EML1: variants seen among roughly 807,000 people sequenced by gnomAD.
EML1 encodes the protein echinoderm microtubule-associated protein-like 1.
A neutral mutation model predicts 110.4 loss-of-function variants in EML1; 27 were observed. That is an observed-to-expected ratio of 0.24 (90% CI 0.18 to 0.34). The LOEUF (loss-of-function observed/expected upper bound fraction) is 0.34. EML1 is among the 10% of genes least tolerant of loss of function. The pLI is 1.00. For missense variants in EML1, 741 were observed against 1,030.9 expected, an observed-to-expected ratio of 0.72 and a Z score of 3.85; for synonymous variants, 344 against 385.8, an observed-to-expected ratio of 0.89 and a Z score of 1.27.
In EML1 at chr14:99,914,633, A is replaced by G. The variant is rs547746983; in HGVS notation, c.1688A>G (p.His563Arg). Residue 563 changes from histidine (H) to arginine (R), a missense_variant, in exon 15 of 22, where the codon CAT becomes CGT. Around this residue, in one of 4 missense-constraint regions of EML1, gnomAD observed 388 missense variants for 605.6 expected, o/e 0.64. Transcript: ENST00000262233. ...AAATCTCAGTTCTTGACCTGTGGGC[A>G]TGACAAGCATGCCACTCTCTGGGAC... Reference protein sequence around the residue: ...ASKSQFLTCGHDKHATLWDAV... With the variant: ...ASKSQFLTCGRDKHATLWDAV... 1.2e-6 allele frequency: 2 copies of G among 1,612,978 alleles called. No homozygotes were observed. The highest frequency in any genetic ancestry group is 1.3e-5 in the African/African-American group (1 of 74,960).
upstream of EML1, among the ~76,000 whole-genome samples, chr14:99,768,864 C>G (rs1168973706): frequency 6.6e-6 from 1 of 152,006 alleles, no homozygotes; most frequent in Non-Finnish European, 1.5e-5. Flanking sequence ...ATTACAGGCA[C>G]CCGCCACCAT....
chr14:99,753,189 A>AC (rs2057197314), intron 1 of EML1, among the ~76,000 whole-genome samples: 2 of 18,714 alleles, frequency 1.1e-4, no homozygotes, highest in African/African-American at 2.0e-4. Flanking sequence ...CCCTACCCGC[A>AC]CCCCCCGCCC....
intron 1 of EML1, among the ~76,000 whole-genome samples, chr14:99,807,919 C>T (rs1179378061): frequency 6.6e-6 from 1 of 152,186 alleles, no homozygotes; most frequent in Non-Finnish European, 1.5e-5. Flanking sequence ...TCTTACCACA[C>T]CCCTCTGCTT....
upstream of EML1, among the ~76,000 whole-genome samples, chr14:99,772,662 T>C (rs1480761151): frequency 6.6e-6 from 1 of 152,260 alleles, no homozygotes; most frequent in East Asian, 1.9e-4. Flanking sequence ...TTAGGACTTT[T>C]ATTGCTTCAT....
chr14:99,749,058 C>A (rs2057145539), intron 1 of EML1, among the ~76,000 whole-genome samples: 1 of 152,202 alleles, frequency 6.6e-6, no homozygotes, highest in South Asian at 2.1e-4. Context: ...GTCTGTTCAC[C>A]AGTGGACGGG....
intron 2 of EML1, among the ~76,000 whole-genome samples, chr14:99,862,079 T>G (rs1405291116): frequency 6.6e-6 from 1 of 152,234 alleles, no homozygotes; most frequent in Non-Finnish European, 1.5e-5. Context: ...TCCTCCAGGC[T>G]GACAGTCTTC....
intron 4 of EML1, among the ~76,000 whole-genome samples, chr14:99,885,500 C>T (rs2139963438): frequency 6.6e-6 from 1 of 152,332 alleles, no homozygotes; most frequent in East Asian, 1.9e-4. Flanking sequence ...CCCATGACTG[C>T]ATTTCATTTG....
chr14:99,760,558 T>G (rs1161615215), intron 1 of EML1, among the ~76,000 whole-genome samples: 3 of 152,162 alleles, frequency 2.0e-5, no homozygotes, highest in Non-Finnish European at 4.4e-5. Context: ...AATTTAATTC[T>G]TATGTCACAT....
intron 1 of EML1, among the ~76,000 whole-genome samples, chr14:99,820,694 G>T (rs1027746733): frequency 6.6e-6 from 1 of 152,128 alleles, no homozygotes; most frequent in African/African-American, 2.4e-5. Context: ...GGATCCAGGG[G>T]CAGGTTCCAA....
chr14:99,914,793 G>A, intron 15 of EML1, 96 bp downstream of exon 15: 3 of 1,453,102 alleles, frequency 2.1e-6, no homozygotes, highest in South Asian at 1.3e-5. Flanking sequence ...ATACAAAGTT[G>A]TCCCAAAGCA....
intron 9 of EML1, among the ~76,000 whole-genome samples, chr14:99,901,440 C>A (rs1245147028): frequency 6.6e-6 from 1 of 152,160 alleles, no homozygotes; most frequent in Non-Finnish European, 1.5e-5. Context: ...GTTCTTGGAT[C>A]TCTTGTAAGA....
chr14:99,790,363 G>A (rs911169724), upstream of EML1, among the ~76,000 whole-genome samples: 1 of 151,882 alleles, frequency 6.6e-6, no homozygotes, highest in African/African-American at 2.4e-5. Context: ...CTGGAGTTGA[G>A]CATTGCCCCA....
At chr14:99,906,028 G>T (rs986950513) in intron 9 of EML1, among the ~76,000 whole-genome samples, 2 of 152,190 alleles carry the variant, frequency 1.3e-5, no homozygotes, top group Non-Finnish European at 2.9e-5. Context: ...CCAGAAAGAT[G>T]TTACCAGACC....
At chr14:99,758,205 G>A (rs149068375) in intron 1 of EML1, among the ~76,000 whole-genome samples, 3 of 152,308 alleles carry the variant, frequency 2.0e-5, no homozygotes, top group South Asian at 2.1e-4. Flanking sequence ...CACTGTGTTC[G>A]AGAGTCAACG....
At chr14:99,924,720 G>A (rs1231654905) in intron 17 of EML1, among the ~76,000 whole-genome samples, 3 of 151,890 alleles carry the variant, frequency 2.0e-5, no homozygotes, top group South Asian at 2.1e-4. Flanking sequence ...TCATCATGAG[G>A]GATAAAGATG....
At chr14:99,758,052 A>T (rs902519552) in intron 1 of EML1, among the ~76,000 whole-genome samples, 1 of 152,190 alleles carries the variant, frequency 6.6e-6, no homozygotes, top group African/African-American at 2.4e-5. Context: ...ACTGTATTTC[A>T]TCCGAACCCA....
Position 99,897,138 on chromosome 14 carries a change from C to T in EML1, c.678-7C>T, listed in dbSNP as rs1159866990. On this transcript the variant is annotated splice_polypyrimidine_tract_variant and splice_region_variant and intron_variant, in intron 6 of 21. Transcript: ENST00000262233. ...GGAAAAAAAATTTTATCTTGACATC[C>T]ACAAAGCTATGGGTACAGGGGTCGA... 6.5e-7 allele frequency: 1 copy of T among 1,539,084 alleles called. No homozygotes were observed. The highest frequency in any genetic ancestry group is 8.7e-7 in the Non-Finnish European group (1 of 1,146,288).
intron 3 of EML1, among the ~76,000 whole-genome samples, chr14:99,871,705 A>T (rs76315477): frequency 0.014 from 2,080 of 152,284 alleles, 36 homozygotes; most frequent in African/African-American, 0.048. Context: ...ATGCAGCCTG[A>T]GGATAGGACT....
At chr14:99,854,747 A>G (rs2058873273) in intron 2 of EML1, among the ~76,000 whole-genome samples, 1 of 152,162 alleles carries the variant, frequency 6.6e-6, no homozygotes, top group Non-Finnish European at 1.5e-5. Context: ...ATGACTTGGA[A>G]TGTTTCCACT....
Sources: allele counts gnomAD v4.1 joint callset (sites outside exome capture counted in the v4.1 genomes callset), GRCh38; gene constraint gnomAD v4.1.1; regional missense constraint gnomAD v4.1.1; transcripts MANE v1.5; gene names NCBI Gene and HGNC (gene_info 2026-07-23, HGNC 2026-07-21).